Variants in SPOCK1 observed in about 807,000 individuals in gnomAD.
SPOCK1 encodes SPARC (osteonectin), cwcv and kazal like domains proteoglycan 1, also known as testican-1.
Under a neutral mutation model 55.3 loss-of-function variants are expected in SPOCK1, and 23 were observed. That is an observed-to-expected ratio of 0.42 (90% CI 0.30 to 0.59). The LOEUF (loss-of-function observed/expected upper bound fraction) is 0.59. Among genes scored for constraint, SPOCK1 ranks in the 20% least tolerant of loss-of-function variants. The pLI is 0.22. For synonymous variants in SPOCK1, 226 were observed against 221.0 expected, an observed-to-expected ratio of 1.02 and a Z score of -0.20; for missense variants, 499 against 552.5, an observed-to-expected ratio of 0.90 and a Z score of 0.97.
At chr5:137,177,456 G>C (rs1196812293) in intron 3 of SPOCK1, among the ~76,000 whole-genome samples, 1 of 152,074 alleles carries the variant, frequency 6.6e-6, no homozygotes, top group Non-Finnish European at 1.5e-5. Context: ...CTTGGGGACA[G>C]AGAAAGTGAG....
At chr5:137,318,886 C>T (rs1161782300) in intron 2 of SPOCK1, among the ~76,000 whole-genome samples, 4 of 152,120 alleles carry the variant, frequency 2.6e-5, no homozygotes, top group Non-Finnish European at 5.9e-5. Flanking sequence ...ATTTACTGAC[C>T]GATTCACCTG....
At chr5:137,233,351 T>C (rs1024022226) in intron 3 of SPOCK1, among the ~76,000 whole-genome samples, 3 of 152,160 alleles carry the variant, frequency 2.0e-5, no homozygotes, top group Admixed American at 6.6e-5. Flanking sequence ...AGGCATTAGA[T>C]TCTCATAAGA....
At chr5:137,077,320 C>G (rs1752788978) in intron 5 of SPOCK1, among the ~76,000 whole-genome samples, 2 of 152,192 alleles carry the variant, frequency 1.3e-5, no homozygotes, top group African/African-American at 4.8e-5. Flanking sequence ...AGGGGTTTGG[C>G]AAAGCCTTTA....
At chr5:137,121,595 T>C (rs1038978030) in intron 4 of SPOCK1, among the ~76,000 whole-genome samples, 2 of 147,348 alleles carry the variant, frequency 1.4e-5, no homozygotes, top group Admixed American at 6.8e-5. Flanking sequence ...ATATATTATA[T>C]ATAATATATT....
chr5:137,258,564 T>C (rs1351874914), intron 3 of SPOCK1, among the ~76,000 whole-genome samples: 1 of 152,224 alleles, frequency 6.6e-6, no homozygotes, highest in Non-Finnish European at 1.5e-5. Context: ...CTGACATTTT[T>C]TTCCCTATTG....
chr5:137,491,550 G>C (rs1200521408), intron 2 of SPOCK1, among the ~76,000 whole-genome samples: 1 of 152,142 alleles, frequency 6.6e-6, no homozygotes, highest in African/African-American at 2.4e-5. Context: ...GGGCTCTGTG[G>C]TAAAGGTCTG....
At chr5:137,027,456 G>C (rs1014010085) in intron 6 of SPOCK1, among the ~76,000 whole-genome samples, 1 of 152,122 alleles carries the variant, frequency 6.6e-6, no homozygotes, top group Non-Finnish European at 1.5e-5. Flanking sequence ...ATATAACTTT[G>C]GTGATGATAG....
chr5:137,423,545 C>T (rs1752546141), intron 2 of SPOCK1, among the ~76,000 whole-genome samples: 1 of 152,196 alleles, frequency 6.6e-6, no homozygotes, highest in East Asian at 1.9e-4. Flanking sequence ...GCTGTGCTAG[C>T]AATGAGCGAG....
intron 3 of SPOCK1, among the ~76,000 whole-genome samples, chr5:137,187,537 T>C (rs1435695686): frequency 6.6e-6 from 1 of 152,128 alleles, no homozygotes; most frequent in Non-Finnish European, 1.5e-5. Flanking sequence ...TACTGAGGTG[T>C]TCCTGGGTTC....
At chr5:137,436,770 T>G (rs535730357) in intron 2 of SPOCK1, among the ~76,000 whole-genome samples, 2 of 152,334 alleles carry the variant, frequency 1.3e-5, no homozygotes, top group South Asian at 4.1e-4. Context: ...TCTCCTTTTA[T>G]GTCATTCAGT....
chr5:137,077,783 G>A (rs1018903522), intron 5 of SPOCK1, among the ~76,000 whole-genome samples: 3 of 152,156 alleles, frequency 2.0e-5, no homozygotes, highest in Non-Finnish European at 2.9e-5. Context: ...TCTGGTCTCC[G>A]AACTTGACTC....
intron 2 of SPOCK1, among the ~76,000 whole-genome samples, chr5:137,475,638 TGTG>T (rs1753824250): frequency 1.3e-5 from 2 of 152,096 alleles, no homozygotes; most frequent in African/African-American, 4.8e-5. Flanking sequence ...GCTGGAGGGC[TGTG>T]GCACAACCAT....
chr5:137,293,948 C>T (rs1004495972), intron 2 of SPOCK1, among the ~76,000 whole-genome samples: 2 of 152,128 alleles, frequency 1.3e-5, no homozygotes, highest in African/African-American at 4.8e-5. Context: ...ACCCGGGAGG[C>T]GGAGCTTGCA....
chr5:136,989,061 T>C (rs1210498942), intron 7 of SPOCK1, among the ~76,000 whole-genome samples: 1 of 152,212 alleles, frequency 6.6e-6, no homozygotes, highest in East Asian at 1.9e-4. Context: ...TTTAAAAGGA[T>C]AGCAGTGAAA....
At chr5:137,231,482 A>T (rs1756063299) in intron 3 of SPOCK1, among the ~76,000 whole-genome samples, 1 of 152,366 alleles carries the variant, frequency 6.6e-6, no homozygotes, top group African/African-American at 2.4e-5. Flanking sequence ...TTATATAATT[A>T]TACAGTCTAA....
chr5:137,438,391 G>A (rs1752911307), intron 2 of SPOCK1, among the ~76,000 whole-genome samples: 1 of 152,150 alleles, frequency 6.6e-6, no homozygotes, highest in Non-Finnish European at 1.5e-5. Flanking sequence ...GTGACACCTT[G>A]CCTAATAGAA....
rs76544124 is a variant in SPOCK1 at position 137,387,508 on chromosome 5, A to T, written c.186+110865T>A. On this transcript the variant is annotated intron_variant, in intron 2 of 10. Coordinates refer to ENST00000394945, the MANE Select transcript of SPOCK1 (RefSeq NM_004598.4). ...ATGAAAAGACATGGAGGAACTTCAAATGCATATTTCTAAATGAAAGAAGCC... is the reference window on the plus strand; with the variant it reads ...ATGAAAAGACATGGAGGAACTTCAATTGCATATTTCTAAATGAAAGAAGCC... Among the ~76,000 whole-genome samples the T allele has an allele frequency of 2.8e-3, 427 of 152,376 alleles. 3 individuals carry two copies. The highest frequency in any genetic ancestry group is 9.4e-3 in the African/African-American group (393 of 41,590).
At chr5:137,031,211 T>G (rs746098042) in intron 6 of SPOCK1, among the ~76,000 whole-genome samples, 1 of 152,178 alleles carries the variant, frequency 6.6e-6, no homozygotes, top group Non-Finnish European at 1.5e-5. Flanking sequence ...AAACAATACA[T>G]CCGATGCTTT....
chr5:137,187,354 G>C (rs28490281), intron 3 of SPOCK1, among the ~76,000 whole-genome samples: 121,857 of 152,072 alleles, frequency 0.8, 49,081 homozygotes, highest in Non-Finnish European at 0.85. Flanking sequence ...CTGTGTTCAT[G>C]TCTTCTTTCT....
Sources: gnomAD v4.1 joint callset for allele counts (sites outside exome capture counted in the v4.1 genomes callset) on GRCh38, gnomAD v4.1.1 for gene constraint, MANE v1.5 for transcripts, NCBI Gene and HGNC (gene_info 2026-07-23, HGNC 2026-07-21) for gene names.